SRD5A2: variants seen among roughly 807,000 people sequenced by gnomAD.
SRD5A2 encodes 3-oxo-5-alpha-steroid 4-dehydrogenase 2.
SRD5A2 carries 30 observed loss-of-function variants against 27.4 expected under a neutral mutation model. The observed-to-expected ratio is 1.10, with a 90% confidence interval of 0.82 to 1.49. SRD5A2 has a LOEUF of 1.49. Among genes scored for constraint, SRD5A2 ranks in the 40% most tolerant of loss-of-function variants. The probability of loss-of-function intolerance (pLI) is 0.00; values close to 1 mark genes in which losing one functional copy is unlikely to be tolerated. For synonymous variants in SRD5A2, 141 were observed against 133.6 expected, an observed-to-expected ratio of 1.06 and a Z score of -0.38; for missense variants, 348 against 323.4, an observed-to-expected ratio of 1.08 and a Z score of -0.58.
intron 1 of SRD5A2, among the ~76,000 whole-genome samples, chr2:31,575,387 G>A (rs1666936349): frequency 1.3e-5 from 2 of 152,334 alleles, no homozygotes; most frequent in South Asian, 2.1e-4. Flanking sequence ...CTGGGCAGAT[G>A]AGAACTACGT....
At chr2:31,543,908 T>G (rs1250360130) in intron 1 of SRD5A2, among the ~76,000 whole-genome samples, 4 of 152,080 alleles carry the variant, frequency 2.6e-5, no homozygotes, top group Non-Finnish European at 5.9e-5. Flanking sequence ...CAGAATGGAT[T>G]TTTTAAATGA....
At chr2:31,610,451 T>C in the SRD5A2 span, among the ~76,000 whole-genome samples, 1 of 152,138 alleles carries the variant, frequency 6.6e-6, no homozygotes, top group Non-Finnish European at 1.5e-5. Flanking sequence ...TGTTTATATT[T>C]TAAAAACTCT....
chr2:31,586,439 G>A, the SRD5A2 span, among the ~76,000 whole-genome samples: 2 of 152,270 alleles, frequency 1.3e-5, no homozygotes, highest in East Asian at 1.9e-4. Context: ...GGTTACAGCA[G>A]GGAAGACCCA....
rs1665708997 is a variant in SRD5A2, at chr2:31,523,743, A to G, written c.*2453T>C. ...CCTCAATTAACTATAATTTTGTTGC[A>G]CCCTATTTTTAAAAGTGGGAAGAAA... On this transcript the variant is annotated 3_prime_UTR_variant, in exon 5 of 5. Coordinates refer to ENST00000622030, the MANE Select transcript of SRD5A2 (RefSeq NM_000348.4). 1.4e-5 allele frequency: 3 copies of G among 219,928 alleles called. No homozygotes were observed. The Admixed American group carries it at 1.7e-4, about 13-fold the overall frequency. 13.6% of individuals were successfully genotyped at this position (219,928 alleles called of 1,614,324 possible). A position where few individuals can be genotyped will look rare whatever the true frequency, so the allele number is the denominator to read the frequency against.
the SRD5A2 span, among the ~76,000 whole-genome samples, chr2:31,608,258 T>C: frequency 6.6e-6 from 1 of 152,084 alleles, no homozygotes; most frequent in Non-Finnish European, 1.5e-5. Context: ...TGGTAAGATT[T>C]CTATTTTTTA....
the SRD5A2 span, among the ~76,000 whole-genome samples, chr2:31,585,982 A>C: frequency 6.6e-6 from 1 of 152,092 alleles, no homozygotes; most frequent in Non-Finnish European, 1.5e-5. Context: ...AAAGAGTGGG[A>C]AAGACTGTGT....
the SRD5A2 span, among the ~76,000 whole-genome samples, chr2:31,601,575 C>T: frequency 6.6e-6 from 1 of 152,000 alleles, no homozygotes; most frequent in African/African-American, 2.4e-5. Flanking sequence ...ATGAGGCCAA[C>T]ATCATTCTGA....
At chr2:31,545,578 A>C (rs1666230852) in intron 1 of SRD5A2, among the ~76,000 whole-genome samples, 1 of 152,198 alleles carries the variant, frequency 6.6e-6, no homozygotes, top group South Asian at 2.1e-4. Context: ...CTTCCTCAAC[A>C]TAATAAAATC....
At chr2:31,543,365 A>C (rs1035065440) in intron 1 of SRD5A2, among the ~76,000 whole-genome samples, 8 of 152,216 alleles carry the variant, frequency 5.3e-5, no homozygotes, top group African/African-American at 1.9e-4. Context: ...AGAAATAAAA[A>C]TATCAATGAA....
the SRD5A2 span, among the ~76,000 whole-genome samples, chr2:31,594,216 G>C: frequency 6.6e-6 from 1 of 152,058 alleles, no homozygotes; most frequent in Admixed American, 6.6e-5. Context: ...TAACGTTGAA[G>C]GCAAAGTGGT....
intron 1 of SRD5A2, among the ~76,000 whole-genome samples, chr2:31,564,788 C>G (rs964642842): frequency 6.6e-6 from 1 of 151,828 alleles, no homozygotes; most frequent in African/African-American, 2.4e-5. Flanking sequence ...ATTGCTATAT[C>G]CTAGAATTTT....
At chr2:31,569,534 T>C (rs951464398) in intron 1 of SRD5A2, among the ~76,000 whole-genome samples, 1 of 152,192 alleles carries the variant, frequency 6.6e-6, no homozygotes, top group Non-Finnish European at 1.5e-5. Flanking sequence ...TTGCCAATCA[T>C]ACGTTTTCTT....
chr2:31,557,243 C>G (rs1666516545), intron 1 of SRD5A2, among the ~76,000 whole-genome samples: 1 of 152,234 alleles, frequency 6.6e-6, no homozygotes, highest in Non-Finnish European at 1.5e-5. Context: ...ACAAATTAAT[C>G]ACAACCTTGG....
At chr2:31,655,347 C>T in the SRD5A2 span, among the ~76,000 whole-genome samples, 7 of 152,162 alleles carry the variant, frequency 4.6e-5, no homozygotes, top group Non-Finnish European at 7.3e-5. Context: ...GTGATCCACC[C>T]GCCTCGGCCT....
At chr2:31,655,634 T>C in the SRD5A2 span, among the ~76,000 whole-genome samples, 10 of 152,100 alleles carry the variant, frequency 6.6e-5, no homozygotes, top group African/African-American at 2.2e-4. Flanking sequence ...CCTGATCTCA[T>C]CAGCAAGATA....
chr2:31,618,598 C>T, the SRD5A2 span, among the ~76,000 whole-genome samples: 1 of 151,942 alleles, frequency 6.6e-6, no homozygotes, highest in Non-Finnish European at 1.5e-5. Flanking sequence ...ACTACATGAT[C>T]TTACACATAT....
chr2:31,647,712 G>T, the SRD5A2 span, among the ~76,000 whole-genome samples: 2 of 152,152 alleles, frequency 1.3e-5, no homozygotes, highest in Non-Finnish European at 2.9e-5. Context: ...TTCCAGAAGT[G>T]CTCTGTACAT....
intron 1 of SRD5A2, among the ~76,000 whole-genome samples, chr2:31,542,879 T>C (rs6727380): frequency 0.16 from 24,486 of 151,724 alleles, 2,504 homozygotes; most frequent in African/African-American, 0.3. Flanking sequence ...AGAGAGAATA[T>C]AGGAAGAAAT....
intron 1 of SRD5A2, among the ~76,000 whole-genome samples, chr2:31,553,036 A>G (rs949949900): frequency 3.3e-5 from 5 of 152,196 alleles, no homozygotes; most frequent in Admixed American, 2.6e-4. Context: ...GAAATCAGGA[A>G]AGTAATACCT....
Sources: gnomAD v4.1 joint callset for allele counts (sites outside exome capture counted in the v4.1 genomes callset) on GRCh38, gnomAD v4.1.1 for gene constraint, MANE v1.5 for transcripts, NCBI Gene and HGNC (gene_info 2026-07-23, HGNC 2026-07-21) for gene names.